The following ZBTB7C variants were observed in gnomAD, a reference collection of about 807,000 sequenced individuals.
ZBTB7C encodes the protein zinc finger and BTB domain containing 7C, also known as zinc finger and BTB domain-containing protein 7C.
ZBTB7C carries 8 observed loss-of-function variants against 25.7 expected under a neutral mutation model. That is an observed-to-expected ratio of 0.31 (90% CI 0.18 to 0.56). ZBTB7C has a LOEUF of 0.56. ZBTB7C is among the 20% of genes least tolerant of loss of function. The pLI, the probability that ZBTB7C is intolerant of heterozygous loss-of-function variation, is 0.91. For synonymous variants in ZBTB7C, 394 were observed against 369.0 expected (o/e 1.07, Z -0.78); for missense variants, 824 against 855.2 (o/e 0.96, Z 0.46).
intron 4 of ZBTB7C, among the ~76,000 whole-genome samples, chr18:48,036,734 C>G (rs111841018): frequency 6.6e-6 from 1 of 152,106 alleles, no homozygotes; most frequent in African/African-American, 2.4e-5. Context: ...TCTGCGTCAA[C>G]GAGGCAGCCG....
intron 1 of ZBTB7C, among the ~76,000 whole-genome samples, chr18:48,402,164 C>T (rs996415624): frequency 2.6e-5 from 4 of 151,856 alleles, no homozygotes; most frequent in Admixed American, 6.6e-5. Context: ...TGGGCTCCTG[C>T]AGGAGTGAAG....
intron 2 of ZBTB7C, among the ~76,000 whole-genome samples, chr18:48,265,454 G>C (rs141743341): frequency 6.6e-6 from 1 of 152,276 alleles, no homozygotes; most frequent in East Asian, 1.9e-4. Flanking sequence ...GCTTAAGCTG[G>C]GCAAGTTATT....
chr18:48,230,079 T>C (rs1404545514), intron 2 of ZBTB7C, among the ~76,000 whole-genome samples: 17 of 152,214 alleles, frequency 1.1e-4, no homozygotes, highest in Non-Finnish European at 1.5e-5. Flanking sequence ...ATTTACATGA[T>C]GTATTAACCC....
intron 2 of ZBTB7C, among the ~76,000 whole-genome samples, chr18:48,329,490 T>C (rs937906636): frequency 5.5e-4 from 83 of 152,242 alleles, no homozygotes; most frequent in African/African-American, 1.9e-3. Flanking sequence ...TCTGAGAAAG[T>C]AAAACAACCA....
intron 2 of ZBTB7C, among the ~76,000 whole-genome samples, chr18:48,248,497 A>G (rs1202839220): frequency 6.6e-6 from 1 of 152,146 alleles, no homozygotes; most frequent in Admixed American, 6.5e-5. Flanking sequence ...TCACTTTGTC[A>G]GTGGCCTGTC....
intron 3 of ZBTB7C, among the ~76,000 whole-genome samples, chr18:48,136,811 G>A (rs1226358957): frequency 1.3e-5 from 2 of 152,166 alleles, no homozygotes; most frequent in South Asian, 2.1e-4. Flanking sequence ...TGCGGACGCC[G>A]CCACCCGCGC....
At chr18:48,216,122 G>C (rs1034995019) in intron 2 of ZBTB7C, among the ~76,000 whole-genome samples, 2 of 152,206 alleles carry the variant, frequency 1.3e-5, no homozygotes, top group African/African-American at 4.8e-5. Flanking sequence ...CCTTGGCTGA[G>C]AGGAGGAGTC....
intron 3 of ZBTB7C, among the ~76,000 whole-genome samples, chr18:48,112,984 C>A: frequency 6.6e-6 from 1 of 152,160 alleles, no homozygotes; most frequent in South Asian, 2.1e-4. Flanking sequence ...CACAAGTTTG[C>A]CCGTGTAGAC....
chr18:48,099,439 G>T (rs1295246548), intron 3 of ZBTB7C, among the ~76,000 whole-genome samples: 1 of 152,220 alleles, frequency 6.6e-6, no homozygotes, highest in Non-Finnish European at 1.5e-5. Flanking sequence ...GACTCTGCGG[G>T]CTTTCCCCAA....
chr18:48,133,022 C>T (rs2040035222), intron 3 of ZBTB7C, among the ~76,000 whole-genome samples: 1 of 152,200 alleles, frequency 6.6e-6, no homozygotes, highest in Admixed American at 6.5e-5. Flanking sequence ...GGTAATTTTT[C>T]AAGTTTGGAG....
At chr18:48,155,064 A>G (rs2040796238) in intron 3 of ZBTB7C, among the ~76,000 whole-genome samples, 1 of 152,150 alleles carries the variant, frequency 6.6e-6, no homozygotes, top group South Asian at 2.1e-4. Flanking sequence ...CTCATTTGCC[A>G]TCTGGTCCCA....
At chr18:48,230,860 G>A (rs554480314) in intron 2 of ZBTB7C, among the ~76,000 whole-genome samples, 46 of 152,280 alleles carry the variant, frequency 3.0e-4, no homozygotes, top group African/African-American at 1.0e-3. Flanking sequence ...GCCTGCTCCC[G>A]CTGCCTGGCC....
intron 2 of ZBTB7C, among the ~76,000 whole-genome samples, chr18:48,314,540 C>T (rs548457958): frequency 6.6e-6 from 1 of 152,260 alleles, no homozygotes; most frequent in South Asian, 2.1e-4. Context: ...AGAGAGGAGA[C>T]AAAAGGGTGG....
chr18:48,095,388 T>C (rs957685877), intron 3 of ZBTB7C, among the ~76,000 whole-genome samples: 3 of 152,108 alleles, frequency 2.0e-5, no homozygotes, highest in Non-Finnish European at 4.4e-5. Flanking sequence ...TGGAGCAGGG[T>C]TGGCCAGCAG....
At chr18:48,093,571 T>C (rs1293179372) in intron 3 of ZBTB7C, among the ~76,000 whole-genome samples, 2 of 151,982 alleles carry the variant, frequency 1.3e-5, no homozygotes, top group Non-Finnish European at 2.9e-5. Context: ...TGTAAGTGAC[T>C]GCCTATTCTA....
At chr18:48,174,258 C>G (rs2041595199) in intron 3 of ZBTB7C, among the ~76,000 whole-genome samples, 1 of 151,932 alleles carries the variant, frequency 6.6e-6, no homozygotes, top group Non-Finnish European at 1.5e-5. Context: ...GACAAAGAAC[C>G]AAAAACCCAA....
chr18:48,056,389 T>C (rs2036916381), intron 3 of ZBTB7C, among the ~76,000 whole-genome samples: 1 of 152,194 alleles, frequency 6.6e-6, no homozygotes, highest in Non-Finnish European at 1.5e-5. Context: ...GAAGTTCATA[T>C]AGAAAAATAA....
chr18:48,224,502 C>T (rs552208368), intron 2 of ZBTB7C, among the ~76,000 whole-genome samples: 6 of 152,258 alleles, frequency 3.9e-5, no homozygotes, highest in East Asian at 1.9e-4. Context: ...GCAGACATGC[C>T]GGGGCCTCAG....
intron 1 of ZBTB7C, among the ~76,000 whole-genome samples, chr18:48,354,670 T>C (rs376507284): frequency 5.9e-5 from 9 of 152,184 alleles, no homozygotes; most frequent in African/African-American, 2.2e-4. Flanking sequence ...TTGAGAGACA[T>C]GGATATTTCT....
Sources: gnomAD v4.1 joint callset for allele counts (sites outside exome capture counted in the v4.1 genomes callset) on GRCh38, gnomAD v4.1.1 for gene constraint, MANE v1.5 for transcripts, NCBI Gene and HGNC (gene_info 2026-07-23, HGNC 2026-07-21) for gene names.